The following GRM7 variants were observed in gnomAD, a reference collection of about 807,000 sequenced individuals.
GRM7 encodes the protein metabotropic glutamate receptor 7.
Under a neutral mutation model 84.5 loss-of-function variants are expected in GRM7, and 35 were observed. The ratio of observed to expected loss-of-function variants is 0.41; its 90% CI spans 0.32 to 0.55. The LOEUF (loss-of-function observed/expected upper bound fraction) is 0.55. GRM7 is among the 20% of genes least tolerant of loss of function. The pLI, the probability that GRM7 is intolerant of heterozygous loss-of-function variation, is 0.19. For synonymous variants in GRM7, 487 were observed against 455.1 expected (o/e 1.07, Z -0.89); for missense variants, 1,003 against 1,194.6 (o/e 0.84, Z 2.36).
chr3:7,636,241 C>G (rs1004247814), intron 8 of GRM7: 1 of 456,390 alleles, frequency 2.2e-6, no homozygotes, highest in African/African-American at 2.0e-5. Context: ...CTTCTCTTAC[C>G]CCACTTCCCA....
At position 7,624,676 on chromosome 3, in the gene GRM7, T is replaced by C. The variant is rs367983357; in HGVS notation, c.2451+45319T>C. ...CCGAGTTGTTATGAAAATTTAATAA[T>C]ATATGGGAAGTGCCTAAATCAGGGT... On this transcript the variant is annotated intron_variant, in intron 8 of 9. Coordinates refer to ENST00000357716, the MANE Select transcript of GRM7 (RefSeq NM_000844.4). 1.3e-3 allele frequency among the ~76,000 whole-genome samples: 202 copies of C among 152,242 alleles called. 4 individuals carry two copies. The South Asian group carries it at 0.04, about 30-fold the overall frequency.
At chr3:7,401,337 C>A (rs893010691) in intron 4 of GRM7, among the ~76,000 whole-genome samples, 1 of 152,084 alleles carries the variant, frequency 6.6e-6, no homozygotes, top group African/African-American at 2.4e-5. Flanking sequence ...AGAAAGTTGT[C>A]AGTAGGGCTG....
intron 2 of GRM7, among the ~76,000 whole-genome samples, chr3:7,260,115 G>A (rs1575092845): frequency 6.6e-6 from 1 of 151,426 alleles, no homozygotes; most frequent in African/African-American, 2.4e-5. Flanking sequence ...GTCTGTTCAT[G>A]CCCTCTGCCC....
chr3:7,148,306 A>G (rs1694173089), intron 2 of GRM7, among the ~76,000 whole-genome samples: 1 of 151,278 alleles, frequency 6.6e-6, no homozygotes, highest in East Asian at 2.0e-4. Flanking sequence ...TTGAATAGAT[A>G]AAATAAGATG....
chr3:7,056,430 A>G (rs1029021101), intron 1 of GRM7, among the ~76,000 whole-genome samples: 1 of 151,952 alleles, frequency 6.6e-6, no homozygotes, highest in Non-Finnish European at 1.5e-5. Flanking sequence ...TCCACCATGT[A>G]TATGCTTCTC....
intron 5 of GRM7, among the ~76,000 whole-genome samples, chr3:7,427,176 T>C (rs781408367): frequency 2.0e-5 from 3 of 152,226 alleles, no homozygotes; most frequent in African/African-American, 4.8e-5. Context: ...GTTCCCACTT[T>C]AAGGAAAAAT....
At chr3:7,547,266 G>A (rs1693206906) in intron 7 of GRM7, among the ~76,000 whole-genome samples, 1 of 143,508 alleles carries the variant, frequency 7.0e-6, no homozygotes, top group South Asian at 2.3e-4. Flanking sequence ...GAGTGCAGTG[G>A]CGTAATCTCG....
chr3:6,894,186 C>T (rs993695858), intron 1 of GRM7, among the ~76,000 whole-genome samples: 3 of 152,142 alleles, frequency 2.0e-5, no homozygotes, highest in Admixed American at 6.6e-5. Context: ...TAGTTCATTT[C>T]TCTCTGCTTT....
chr3:7,275,731 C>A (rs541119346), intron 2 of GRM7, among the ~76,000 whole-genome samples: 3 of 152,044 alleles, frequency 2.0e-5, no homozygotes, highest in Non-Finnish European at 4.4e-5. Flanking sequence ...GTGGTATTTC[C>A]AAATGGTTCC....
chr3:7,227,040 A>C (rs964512535), intron 2 of GRM7, among the ~76,000 whole-genome samples: 1 of 152,204 alleles, frequency 6.6e-6, no homozygotes, highest in Non-Finnish European at 1.5e-5. Flanking sequence ...AGAGATTAGA[A>C]GAAAAGAGAA....
chr3:7,494,829 C>A (rs77731945), intron 7 of GRM7, among the ~76,000 whole-genome samples: 2,027 of 152,188 alleles, frequency 0.013, 38 homozygotes, highest in African/African-American at 0.046. Flanking sequence ...TGAAAGTCTG[C>A]AGTTTGTTCA....
At position 7,644,148 on chromosome 3, in the gene GRM7, C is replaced by A. The variant is rs1376505032; in HGVS notation, c.2452-35901C>A. ...TGTGTGTGTGTGTGTATATATATGT[C>A]TGTACGTATATATATATATGTCTGT... On this transcript the variant is annotated intron_variant, in intron 8 of 9. Coordinates refer to ENST00000357716, the MANE Select transcript of GRM7 (RefSeq NM_000844.4). 1.6e-5 allele frequency among the ~76,000 whole-genome samples: 2 copies of A among 128,124 alleles called. 1 individual carries two copies. Among genetic ancestry groups the A allele is most frequent in the Non-Finnish European group, 3.4e-5 (2 of 58,352 alleles). The allele number at this position is 128,124 out of a possible 152,430, so 84.1% of individuals were successfully genotyped here. A position where few individuals can be genotyped will look rare whatever the true frequency, so the allele number is the denominator to read the frequency against.
intron 1 of GRM7, among the ~76,000 whole-genome samples, chr3:7,139,781 A>G (rs1053251988): frequency 6.6e-6 from 1 of 151,958 alleles, no homozygotes; most frequent in African/African-American, 2.4e-5. Context: ...TGAACATCAC[A>G]CTGAAAGCTC....
chr3:7,608,016 G>A (rs1696673471), intron 8 of GRM7: 2 of 342,634 alleles, frequency 5.8e-6, no homozygotes, highest in Admixed American at 6.0e-5. Context: ...AGTTTGCTAA[G>A]GATAACAGCC....
At chr3:6,992,102 G>A (rs901283554) in intron 1 of GRM7, among the ~76,000 whole-genome samples, 6 of 152,234 alleles carry the variant, frequency 3.9e-5, no homozygotes, top group African/African-American at 1.4e-4. Context: ...AAGAGAGGAT[G>A]AGGTGTAGCC....
intron 9 of GRM7, among the ~76,000 whole-genome samples, chr3:7,726,688 T>G (rs1486828339): frequency 7.5e-6 from 1 of 133,350 alleles, no homozygotes; most frequent in African/African-American, 2.8e-5. Context: ...TAGCTGTTTA[T>G]AAGCAAGTTG....
intron 2 of GRM7, among the ~76,000 whole-genome samples, chr3:7,279,815 AAG>A (rs1332822354): frequency 3.3e-5 from 5 of 152,174 alleles, no homozygotes; most frequent in Non-Finnish European, 7.3e-5. Flanking sequence ...GTGTGTGAGA[AAG>A]AGACACTTAC....
At chr3:7,438,990 C>A (rs534156641) in intron 5 of GRM7, among the ~76,000 whole-genome samples, 4 of 152,084 alleles carry the variant, frequency 2.6e-5, no homozygotes, top group Non-Finnish European at 4.4e-5. Flanking sequence ...ATGTAGAATT[C>A]GGAAGTCTAT....
intron 9 of GRM7, among the ~76,000 whole-genome samples, chr3:7,703,459 T>C (rs1701292278): frequency 6.6e-6 from 1 of 151,872 alleles, no homozygotes; most frequent in Admixed American, 6.6e-5. Flanking sequence ...TTTAATCTGG[T>C]GGATGGCCTA....
Sources: allele counts gnomAD v4.1 joint callset (sites outside exome capture counted in the v4.1 genomes callset), GRCh38; gene constraint gnomAD v4.1.1; transcripts MANE v1.5; gene names NCBI Gene and HGNC (gene_info 2026-07-23, HGNC 2026-07-21).